Variants in ASIC2 observed in about 807,000 individuals in gnomAD.
The protein encoded by ASIC2 is acid-sensing ion channel 2.
Under a neutral mutation model 57.3 loss-of-function variants are expected in ASIC2, and 25 were observed. The ratio of observed to expected loss-of-function variants is 0.44; its 90% confidence interval spans 0.32 to 0.61. ASIC2 has a LOEUF of 0.61. Among genes scored for constraint, ASIC2 ranks in the 20% least tolerant of loss-of-function variants. ASIC2 has a pLI of 0.06. For missense variants in ASIC2, 641 were observed against 738.1 expected (o/e 0.87, Z 1.52); for synonymous variants, 319 against 307.5 (o/e 1.04, Z -0.39).
At chr17:34,132,597 C>T (rs12951196) in intron 1 of ASIC2, among the ~76,000 whole-genome samples, 35 of 72,410 alleles carry the variant, frequency 4.8e-4, no homozygotes, top group Non-Finnish European at 9.6e-4. Context: ...CTGATTGGTG[C>T]GTTTTACAGA....
intron 1 of ASIC2, among the ~76,000 whole-genome samples, chr17:33,533,149 C>T (rs939890536): frequency 1.3e-5 from 2 of 152,032 alleles, no homozygotes; most frequent in African/African-American, 2.4e-5. Context: ...AGTTCAAGAC[C>T]AGCCTGGCCA....
chr17:33,344,758 A>G (rs1907877196), intron 1 of ASIC2, among the ~76,000 whole-genome samples: 6 of 152,080 alleles, frequency 3.9e-5, no homozygotes, highest in Admixed American at 3.9e-4. Flanking sequence ...TACTTTAAGA[A>G]TGTATATATT....
At chr17:33,389,810 T>C (rs1281938169) in intron 1 of ASIC2, among the ~76,000 whole-genome samples, 1 of 152,184 alleles carries the variant, frequency 6.6e-6, no homozygotes, top group Non-Finnish European at 1.5e-5. Context: ...ACAGGAATGA[T>C]GATAAGATGA....
At chr17:33,102,417 T>C (rs2092215488) in intron 2 of ASIC2, among the ~76,000 whole-genome samples, 2 of 152,238 alleles carry the variant, frequency 1.3e-5, no homozygotes, top group South Asian at 2.1e-4. Flanking sequence ...TCTTTATTTC[T>C]GTTAGCCTGA....
intron 1 of ASIC2, among the ~76,000 whole-genome samples, chr17:33,887,734 T>C (rs1403432354): frequency 6.6e-6 from 1 of 152,206 alleles, no homozygotes; most frequent in East Asian, 1.9e-4. Context: ...TGATCACCTG[T>C]AGGCTCAGAC....
At chr17:33,168,191 CT>C (rs1467102935) in intron 1 of ASIC2, among the ~76,000 whole-genome samples, 3 of 152,218 alleles carry the variant, frequency 2.0e-5, no homozygotes, top group African/African-American at 7.2e-5. Context: ...AGCCTCAGAA[CT>C]GGGAGCGAAA....
chr17:33,032,005 T>C (rs1313297316), intron 3 of ASIC2, among the ~76,000 whole-genome samples: 1 of 152,218 alleles, frequency 6.6e-6, no homozygotes, highest in East Asian at 1.9e-4. Context: ...GTACATCTCT[T>C]TTTGAATGTG....
At chr17:33,997,230 C>T (rs1318682996) in intron 1 of ASIC2, among the ~76,000 whole-genome samples, 1 of 151,658 alleles carries the variant, frequency 6.6e-6, no homozygotes, top group Non-Finnish European at 1.5e-5. Flanking sequence ...CAGTCTTGAC[C>T]TCCTGGGCTC....
At chr17:33,724,949 C>T (rs1422599926) in intron 1 of ASIC2, among the ~76,000 whole-genome samples, 4 of 152,156 alleles carry the variant, frequency 2.6e-5, no homozygotes, top group Non-Finnish European at 5.9e-5. Flanking sequence ...GCAGTAAGGG[C>T]CCTCGCTAGA....
chr17:34,155,117 C>G (rs1904665951), intron 1 of ASIC2, among the ~76,000 whole-genome samples: 1 of 151,994 alleles, frequency 6.6e-6, no homozygotes, highest in Non-Finnish European at 1.5e-5. Context: ...GCTGTTCGCC[C>G]CCTCCCTGCA....
intron 1 of ASIC2, among the ~76,000 whole-genome samples, chr17:34,155,291 G>A (rs979080975): frequency 6.6e-6 from 1 of 152,096 alleles, no homozygotes; most frequent in Non-Finnish European, 1.5e-5. Context: ...CCTCCTCTCT[G>A]CCCAAGCACT....
intron 1 of ASIC2, among the ~76,000 whole-genome samples, chr17:33,779,387 G>A (rs1187091701): frequency 6.6e-6 from 1 of 152,180 alleles, no homozygotes; most frequent in Non-Finnish European, 1.5e-5. Flanking sequence ...TATTATCAAT[G>A]CATTAAGAAT....
At chr17:33,213,402 C>T (rs1907357641) in intron 1 of ASIC2, among the ~76,000 whole-genome samples, 1 of 152,162 alleles carries the variant, frequency 6.6e-6, no homozygotes, top group Non-Finnish European at 1.5e-5. Context: ...ATGATGGGTT[C>T]AGCAGTGGGT....
rs1374104829 is a variant in ASIC2, at chr17:33,015,908, G to GT, written c.1590+62dup. On this transcript the variant is annotated intron_variant, in intron 9 of 9. Coordinates refer to ENST00000225823, the MANE Select transcript of ASIC2 (RefSeq NM_183377.2). Reference sequence around the variant, plus strand: ...CTTTCCTGCCCGGCCCCAGCATCTGGTTTTGTACTGCCGGTACAAGCCAGA... The same window carrying GT: ...CTTTCCTGCCCGGCCCCAGCATCTGGTTTTTGTACTGCCGGTACAAGCCAGA... 13 of 1,580,774 alleles carry GT rather than the reference G, an allele frequency of 8.2e-6. No homozygotes were observed. The African/African-American group carries it at 9.4e-5, about 11-fold the overall frequency.
intron 1 of ASIC2, among the ~76,000 whole-genome samples, chr17:34,112,560 A>T (rs1280369351): frequency 6.6e-6 from 1 of 152,244 alleles, no homozygotes; most frequent in Admixed American, 6.5e-5. Context: ...CTCTTTGACC[A>T]CATAATTCTT....
chr17:33,431,451 A>G (rs1209868481), intron 1 of ASIC2, among the ~76,000 whole-genome samples: 2 of 150,098 alleles, frequency 1.3e-5, no homozygotes, highest in East Asian at 3.9e-4. Context: ...TAAAAATACA[A>G]AAATTACCCA....
Position 33,723,327 on chromosome 17 carries a change from T to C in ASIC2, c.555+432651A>G, listed in dbSNP as rs980616640. Among the ~76,000 whole-genome samples the C allele has an allele frequency of 7.2e-5, 11 of 152,174 alleles. 1 individual carries two copies. The highest frequency in any genetic ancestry group is 7.2e-4 in the Admixed American group (11 of 15,274). On this transcript the variant is annotated intron_variant, in intron 1 of 9. Transcript: ENST00000359872. ...TCCATTTATTTACTTTTTAAAATAT[T>C]ATATTATATTTTATTTTTTGATACA... is the stretch of plus-strand genomic sequence containing the variant.
intron 1 of ASIC2, among the ~76,000 whole-genome samples, chr17:33,780,020 G>C (rs921068727): frequency 1.5e-5 from 2 of 135,612 alleles, no homozygotes; most frequent in African/African-American, 5.9e-5. Context: ...GCCCAGGCTT[G>C]AGTGCAGTGG....
intron 1 of ASIC2, among the ~76,000 whole-genome samples, chr17:33,497,660 G>A (rs1273002794): frequency 6.6e-6 from 1 of 152,164 alleles, no homozygotes; most frequent in African/African-American, 2.4e-5. Flanking sequence ...GGGAGGGCAC[G>A]AAGGTGCCAT....
Sources: gnomAD v4.1 joint callset for allele counts (sites outside exome capture counted in the v4.1 genomes callset) on GRCh38, gnomAD v4.1.1 for gene constraint, MANE v1.5 for transcripts, NCBI Gene and HGNC (gene_info 2026-07-23, HGNC 2026-07-21) for gene names.